PKLR: variants seen among roughly 807,000 people sequenced by gnomAD.
The protein encoded by PKLR is pyruvate kinase L/R, also known as pyruvate kinase PKLR.
Under a neutral mutation model 53.6 loss-of-function variants are expected in PKLR, and 38 were observed. The ratio of observed to expected loss-of-function variants is 0.71; its 90% confidence interval spans 0.55 to 0.93. PKLR has a LOEUF of 0.93. Among genes scored for constraint, PKLR ranks in the 40% least tolerant of loss-of-function variants. The pLI is 0.00. For synonymous variants in PKLR, 328 were observed against 316.2 expected (o/e 1.04, Z -0.39); for missense variants, 702 against 787.3 (o/e 0.89, Z 1.30).
At chr1:155,290,893 G>A (rs1313276021) in intron 10 of PKLR, among the ~76,000 whole-genome samples, 1 of 151,428 alleles carries the variant, frequency 6.6e-6, no homozygotes, top group East Asian at 1.9e-4. Context: ...GGAGGCTGAG[G>A]CAGGAGAATC....
At chr1:155,303,634 A>T (rs540953177), upstream of PKLR, among the ~76,000 whole-genome samples, 8 of 152,174 alleles carry the variant, frequency 5.3e-5, no homozygotes, top group African/African-American at 1.7e-4. Context: ...TTATTTATTT[A>T]TTTTTTTGGA....
intron 2 of PKLR, among the ~76,000 whole-genome samples, chr1:155,299,003 T>C (rs1022841319): frequency 7.9e-5 from 8 of 100,738 alleles, no homozygotes; most frequent in East Asian, 5.0e-4. Context: ...TCTTTCTTTC[T>C]TTCTTTCTTT....
chr1:155,301,295 C>T lies in PKLR; in HGVS notation c.100+1G>A. 4 of 1,614,140 alleles carry T rather than the reference C, an allele frequency of 2.5e-6. No individual in the cohort carries two copies. Among genetic ancestry groups the T allele is most frequent in the Non-Finnish European group, 3.4e-6 (4 of 1,179,974 alleles). ...CCATGGCTTCTGTCTCCCCTTCTTA[C>T]CTCCTGGAGCCCCAATCAGGATGGA... On this transcript the variant is annotated splice_donor_variant, in intron 1 of 10. Coordinates refer to ENST00000342741, the MANE Select transcript of PKLR (RefSeq NM_000298.6). LOFTEE classifies it high-confidence loss of function.
intron 1 of PKLR, 161 bp downstream of exon 1, chr1:155,301,135 G>A: frequency 7.4e-7 from 1 of 1,359,574 alleles, no homozygotes. Context: ...CCAGGCCAGG[G>A]TCCATAATTT....
At chr1:155,298,963 TTTCTTTC>T in intron 2 of PKLR, among the ~76,000 whole-genome samples, 1 of 56,048 alleles carries the variant, frequency 1.8e-5, no homozygotes, top group African/African-American at 1.0e-4. Flanking sequence ...CCTTTCTTTC[TTTCTTTC>T]TTTCTTTCTT....
chr1:155,291,605 G>T, intron 10 of PKLR, 151 bp downstream of exon 10: 1 of 740,386 alleles, frequency 1.4e-6, no homozygotes. Context: ...TTTGTGATAT[G>T]CCAGACTGAT....
the PKLR span, among the ~76,000 whole-genome samples, chr1:155,307,819 A>C: frequency 1.3e-3 from 205 of 152,244 alleles, no homozygotes; most frequent in African/African-American, 4.8e-3. Context: ...TCTACTAAAA[A>C]CACAAAAATT....
Position 155,301,310 on chromosome 1 carries a change from A to G in PKLR, c.86T>C (p.Ile29Thr), listed in dbSNP as rs142735355. The change falls in exon 1 of 11, where the codon ATT becomes ACT. Residue 29 changes from isoleucine to threonine, a missense_variant. This residue lies in a region of PKLR where 519 missense variants were observed against 537.1 expected (regional missense o/e 0.97). Transcript: ENST00000342741. The part of the protein sequence containing the change: ...SQRDLAKSIL[I>T]GAPGGPAGYL... ...CCCCTTCTTACCTCCTGGAGCCCCAATCAGGATGGACTTTGCTAAGTCTCT... is the reference window on the plus strand; with the variant it reads ...CCCCTTCTTACCTCCTGGAGCCCCAGTCAGGATGGACTTTGCTAAGTCTCT... 2.0e-5 allele frequency: 33 copies of G among 1,613,808 alleles called. 1 individual carries two copies. The highest frequency in any genetic ancestry group is 1.2e-4 in the South Asian group (11 of 91,078).
chr1:155,301,501 C>T, upstream of PKLR: 3 of 1,464,260 alleles, frequency 2.0e-6, no homozygotes, highest in Non-Finnish European at 2.8e-6. Context: ...AGGGGCACAC[C>T]CAGTAGGCCA....
chr1:155,301,363 C>T lies in PKLR; in HGVS notation c.33G>A (p.Gln11=), dbSNP rs1572064777. Residue 11 remains glutamine, a synonymous_variant, in exon 1 of 11, where the codon CAG becomes CAA. Coordinates refer to ENST00000342741, the MANE Select transcript of PKLR (RefSeq NM_000298.6). The part of the protein sequence containing the change: MSIQENISSL[Q]LRSWVSKSQR... ...GGGACTTAGAGACCCATGACCGAAG[C>T]TGCAGGGATGATATGTTCTCCTGGA... 1.2e-6 allele frequency: 2 copies of T among 1,614,056 alleles called. No homozygotes were observed. Among genetic ancestry groups the T allele is most frequent in the Non-Finnish European group, 1.7e-6 (2 of 1,179,950 alleles).
rs199824528 is a variant in PKLR at position 155,295,439 on chromosome 1, C to G, written c.505G>C (p.Gly169Arg). The G allele has an allele frequency of 3.8e-5, 61 of 1,609,646 alleles. No homozygotes were observed. The highest frequency in any genetic ancestry group is 4.9e-5 in the Non-Finnish European group (58 of 1,178,138). ...GPEIRTGILQ[G>R]GPESEVELVK... ...CGAGTCCCAGCCCCACTGCTCACCC[C>G]CTGCAGGATCCCAGTGCGGATCTCC... Residue 169 changes from glycine (G) to arginine (R), a missense_variant and splice_region_variant, in exon 4 of 11, where the codon GGG (glycine) becomes CGG (arginine). Gly to Arg is a moderately radical substitution (Grantham distance 125). Around this residue, in one of 2 missense-constraint regions of PKLR, gnomAD observed 519 missense variants for 537.1 expected, o/e 0.97. Coordinates refer to ENST00000342741, the MANE Select transcript of PKLR (RefSeq NM_000298.6). The surrounding 1 kb of genome is among the most constrained non-coding windows in gnomAD (Gnocchi z 4.3).
In PKLR at chr1:155,290,437, C is replaced by G. The variant is rs1038725372; in HGVS notation, c.*135G>C. Reference sequence around the variant, plus strand: ...GACAGTTATAGTCTCAGATAGGCCTCAGGTAGGGAGGGTCAGGAATAGAGA... The same window carrying G: ...GACAGTTATAGTCTCAGATAGGCCTGAGGTAGGGAGGGTCAGGAATAGAGA... On this transcript the variant is annotated 3_prime_UTR_variant, in exon 11 of 11. Coordinates refer to ENST00000342741, the MANE Select transcript of PKLR (RefSeq NM_000298.6). 20 of 673,694 alleles carry G rather than the reference C, an allele frequency of 3.0e-5. No homozygotes were observed. Among genetic ancestry groups the G allele is most frequent in the African/African-American group, 7.1e-5 (4 of 56,218 alleles). 41.7% of individuals were successfully genotyped at this position (673,694 alleles called of 1,614,324 possible). A position where few individuals can be genotyped will look rare whatever the true frequency, so the allele number is the denominator to read the frequency against.
rs1421139530 is a variant in PKLR, at chr1:155,290,509, C to CA, written c.*62_*63insT. On this transcript the variant is annotated 3_prime_UTR_variant, in exon 11 of 11. Transcript: ENST00000342741. ...CTTTGGAGGGGTGTGGGCTGGAGAA[C>CA]GTAGACTGGGGAGGAAGGGATGGGG... 1 of 989,772 alleles carries CA rather than the reference C, an allele frequency of 1.0e-6. No individual in the cohort carries two copies. Among genetic ancestry groups the CA allele is most frequent in the Non-Finnish European group, 1.6e-6 (1 of 621,690 alleles). The allele number at this position is 989,772 out of a possible 1,614,324, so 61.3% of individuals were successfully genotyped here.
intron 2 of PKLR, among the ~76,000 whole-genome samples, chr1:155,296,338 TTTTC>T (rs1484209741): frequency 1.3e-5 from 2 of 152,022 alleles, no homozygotes; most frequent in African/African-American, 2.4e-5. Context: ...TTCCTTTTCT[TTTTC>T]TTTCTTTTTT....
chr1:155,291,675 C>G, intron 10 of PKLR, 81 bp downstream of exon 10: 3 of 1,286,768 alleles, frequency 2.3e-6, no homozygotes, highest in Non-Finnish European at 3.4e-6. Context: ...AGGCAAGGCC[C>G]TTTGAGTGGG....
At chr1:155,308,218 C>T in the PKLR span, among the ~76,000 whole-genome samples, 2 of 150,414 alleles carry the variant, frequency 1.3e-5, no homozygotes, top group Admixed American at 1.3e-4. Context: ...CGCGCCACCA[C>T]GCCCGACTAA....
chr1:155,293,129 C>T lies in PKLR; in HGVS notation c.1436+48G>A, dbSNP rs1364745232. ...CCCAAGCCTGGGGCCCGTCCCAGCC[C>T]ACCCCTGACCCAAAGCTCCATCTGG... On this transcript the variant is annotated intron_variant, in intron 9 of 10. Coordinates refer to ENST00000342741, the MANE Select transcript of PKLR (RefSeq NM_000298.6). This position sits in a 1 kb window ranked among gnomAD's most constrained non-coding sequence, Gnocchi z 4.2. The T allele has an allele frequency of 6.3e-7, 1 of 1,584,466 alleles. No homozygotes were observed. The highest frequency in any genetic ancestry group is 8.7e-7 in the Non-Finnish European group (1 of 1,153,026).
At chr1:155,298,476 G>T (rs1262684358) in intron 2 of PKLR, among the ~76,000 whole-genome samples, 1 of 149,668 alleles carries the variant, frequency 6.7e-6, no homozygotes, top group Non-Finnish European at 1.5e-5. Context: ...TTACAGGCAT[G>T]CACCACCATG....
Position 155,301,286 on chromosome 1 carries a change from C to T in PKLR, c.100+10G>A, listed in dbSNP as rs376829288. 59 of 1,613,802 alleles carry T rather than the reference C, an allele frequency of 3.7e-5. No individual in the cohort carries two copies. Among genetic ancestry groups the T allele is most frequent in the Non-Finnish European group, 4.9e-5 (58 of 1,179,826 alleles). On this transcript the variant is annotated intron_variant, in intron 1 of 10. Transcript: ENST00000342741. ...TCCTATGTTCCATGGCTTCTGTCTCCCCTTCTTACCTCCTGGAGCCCCAAT... is the reference window on the plus strand; with the variant it reads ...TCCTATGTTCCATGGCTTCTGTCTCTCCTTCTTACCTCCTGGAGCCCCAAT...
Sources: gnomAD v4.1 joint callset for allele counts (sites outside exome capture counted in the v4.1 genomes callset) on GRCh38, gnomAD v4.1.1 for gene constraint, gnomAD v4.1.1 regional missense constraint, Gnocchi (gnomAD v3.1) non-coding constraint, MANE v1.5 for transcripts, NCBI Gene and HGNC (gene_info 2026-07-23, HGNC 2026-07-21) for gene names.